PRPF18: variants seen among roughly 807,000 people sequenced by gnomAD.
PRPF18 encodes the protein pre-mRNA-splicing factor 18.
In PRPF18, 38 loss-of-function variants were observed where a neutral mutation model predicts 46.5. The ratio of observed to expected loss-of-function variants is 0.82; its 90% CI spans 0.63 to 1.07. The LOEUF (loss-of-function observed/expected upper bound fraction) is 1.07, where lower values mean the gene tolerates loss of function less well. PRPF18 is among the 50% of genes least tolerant of loss of function. The pLI is 0.00. For missense variants in PRPF18, 263 were observed against 410.0 expected (o/e 0.64, Z 3.10); for synonymous variants, 152 against 146.7 (o/e 1.04, Z -0.26).
chr10:13,607,549 C>A (rs7088334), intron 4 of PRPF18, among the ~76,000 whole-genome samples: 14,425 of 152,164 alleles, frequency 0.095, 706 homozygotes, highest in Non-Finnish European at 0.11. Flanking sequence ...GTAGCTGAGA[C>A]CACAGGTGTG....
intron 9 of PRPF18, among the ~76,000 whole-genome samples, chr10:13,623,975 C>G (rs914758084): frequency 6.6e-6 from 1 of 152,138 alleles, no homozygotes; most frequent in Non-Finnish European, 1.5e-5. Flanking sequence ...GTGTACAGTT[C>G]ACCAATTAGA....
At chr10:13,643,625 C>G in the PRPF18 span, 3 of 152,736 alleles carry the variant, frequency 2.0e-5, no homozygotes, top group African/African-American at 7.2e-5. Context: ...ACACAAGCAC[C>G]TGAATTACAG....
chr10:13,642,705 G>A, the PRPF18 span: 85,075 of 151,974 alleles, frequency 0.56, 24,215 homozygotes, highest in East Asian at 0.79. Context: ...TTTACATGTA[G>A]AAGACTTACG....
At chr10:13,654,341 T>TTATGTCACCAGGATCTGAACGTCTATGA in the PRPF18 span, 1 of 966,480 alleles carries the variant, frequency 1.0e-6, no homozygotes, top group East Asian at 2.4e-5. Flanking sequence ...TGACATATCC[T>TTATGTCACCAGGATCTGAACGTCTATGA]TATGTCACCA....
At chr10:13,630,153 G>A (rs943346504) in intron 9 of PRPF18, 107 bp from the exon 10 acceptor site, 2 of 912,940 alleles carry the variant, frequency 2.2e-6, no homozygotes, top group East Asian at 2.5e-5. Context: ...GCTTGGGTCT[G>A]CTGCATTTTA....
chr10:13,642,187 T>C, the PRPF18 span: 1 of 152,260 alleles, frequency 6.6e-6, no homozygotes, highest in Non-Finnish European at 1.5e-5. Flanking sequence ...GTTGATCTCT[T>C]ATCCTTGGGA....
chr10:13,626,663 G>A (rs571784791), intron 9 of PRPF18, among the ~76,000 whole-genome samples: 1 of 152,272 alleles, frequency 6.6e-6, no homozygotes, highest in East Asian at 1.9e-4. Flanking sequence ...AGCACTGTCA[G>A]TATAGTATTT....
downstream of PRPF18, chr10:13,631,062 AGTGGTTT>A (rs2080585204): frequency 6.6e-6 from 1 of 152,232 alleles, no homozygotes; most frequent in African/African-American, 2.4e-5. Context: ...AAGGTGGGAC[AGTGGTTT>A]GTGATGCCAG....
chr10:13,633,592 C>G (rs780424198), downstream of PRPF18, among the ~76,000 whole-genome samples: 49 of 152,104 alleles, frequency 3.2e-4, no homozygotes, highest in Non-Finnish European at 1.2e-4. Flanking sequence ...CTGCCCCACC[C>G]CATGAGGTTA....
chr10:13,609,958 T>G, intron 4 of PRPF18, 81 bp from the exon 5 acceptor site: 2 of 1,399,750 alleles, frequency 1.4e-6, no homozygotes, highest in Non-Finnish European at 2.0e-6. Context: ...ATATTTGCAG[T>G]TATTAATGAA....
chr10:13,638,303 T>C, the PRPF18 span, among the ~76,000 whole-genome samples: 15 of 151,196 alleles, frequency 9.9e-5, no homozygotes, highest in East Asian at 5.8e-4. Flanking sequence ...GCTTTTCTTT[T>C]TTTTTTTTTT....
the PRPF18 span, chr10:13,654,579 G>A: frequency 7.2e-5 from 73 of 1,015,474 alleles, no homozygotes; most frequent in Admixed American, 8.8e-4. Flanking sequence ...AAGAGCTTGC[G>A]ACTTGTTGGC....
downstream of PRPF18, among the ~76,000 whole-genome samples, chr10:13,633,103 A>C (rs1169266089): frequency 6.6e-6 from 1 of 152,230 alleles, no homozygotes; most frequent in Non-Finnish European, 1.5e-5. Context: ...CTGTGATTTC[A>C]GTCTTTGGGG....
the PRPF18 span, chr10:13,654,822 G>A: frequency 7.0e-6 from 3 of 426,520 alleles, no homozygotes; most frequent in Non-Finnish European, 1.2e-5. Flanking sequence ...GTAGGCATAG[G>A]GATGGTGACG....
chr10:13,628,739 G>C (rs2080547978), intron 9 of PRPF18, among the ~76,000 whole-genome samples: 1 of 152,106 alleles, frequency 6.6e-6, no homozygotes, highest in Non-Finnish European at 1.5e-5. Flanking sequence ...AGCTTAACAG[G>C]TGTTAAGTTA....
the PRPF18 span, chr10:13,653,172 C>G: frequency 6.6e-6 from 1 of 151,928 alleles, no homozygotes. Context: ...CCCTTTCTTG[C>G]CAAAAATGAA....
chr10:13,621,253 A>G (rs1313694996), intron 9 of PRPF18, among the ~76,000 whole-genome samples: 1 of 152,224 alleles, frequency 6.6e-6, no homozygotes, highest in Non-Finnish European at 1.5e-5. Context: ...TGTTCCCTCC[A>G]AACGTGACTT....
the PRPF18 span, among the ~76,000 whole-genome samples, chr10:13,637,521 C>T: frequency 2.0e-5 from 3 of 152,134 alleles, no homozygotes; most frequent in Non-Finnish European, 4.4e-5. Flanking sequence ...CATTTTTCCC[C>T]TACTGAATTG....
chr10:13,633,132 G>A (rs952348731), downstream of PRPF18, among the ~76,000 whole-genome samples: 1 of 152,214 alleles, frequency 6.6e-6, no homozygotes, highest in East Asian at 1.9e-4. Context: ...GGAAAGTAAA[G>A]CTAAGGCCAA....
Sources: gnomAD v4.1 joint callset for allele counts (sites outside exome capture counted in the v4.1 genomes callset) on GRCh38, gnomAD v4.1.1 for gene constraint, MANE v1.5 for transcripts, NCBI Gene and HGNC (gene_info 2026-07-23, HGNC 2026-07-21) for gene names.